SLC66A2: variants seen among roughly 807,000 people sequenced by gnomAD.
The protein encoded by SLC66A2 is PQ loop repeat containing 1.
A neutral mutation model predicts 25.5 loss-of-function variants in SLC66A2; 23 were observed. The observed-to-expected ratio is 0.90, with a 90% CI of 0.65 to 1.28. SLC66A2 has a LOEUF of 1.28. Ranked by LOEUF, SLC66A2 falls within the 50% of genes most tolerant of loss-of-function variation. SLC66A2 has a pLI of 0.00. For missense variants in SLC66A2, 396 were observed against 373.1 expected (o/e 1.06, Z -0.51); for synonymous variants, 193 against 166.5 (o/e 1.16, Z -1.23).
At chr18:79,946,203 G>T (rs114569955) in intron 2 of SLC66A2, among the ~76,000 whole-genome samples, 346 of 151,580 alleles carry the variant, frequency 2.3e-3, no homozygotes, top group African/African-American at 8.1e-3. Flanking sequence ...GTGACAGGGT[G>T]CCCGGGGAGA....
At chr18:79,911,865 G>A (rs1218744807) in intron 5 of SLC66A2, among the ~76,000 whole-genome samples, 4 of 133,628 alleles carry the variant, frequency 3.0e-5, no homozygotes, top group East Asian at 4.6e-4. Flanking sequence ...AGTAGCAGGA[G>A]GAGATGGCAG....
chr18:79,948,976 A>G (rs1283987854), intron 2 of SLC66A2, among the ~76,000 whole-genome samples: 4 of 152,218 alleles, frequency 2.6e-5, no homozygotes, highest in African/African-American at 9.6e-5. Flanking sequence ...TCTCCAAAGC[A>G]GGCGATGGGA....
intron 5 of SLC66A2, among the ~76,000 whole-genome samples, chr18:79,910,236 CAT>C (rs758715415): frequency 7.3e-6 from 1 of 136,090 alleles, no homozygotes; most frequent in Non-Finnish European, 1.6e-5. Flanking sequence ...ACATCCTCAC[CAT>C]AGTCACCAAC....
chr18:79,949,215 A>C (rs1215356623), intron 2 of SLC66A2, among the ~76,000 whole-genome samples: 1 of 152,164 alleles, frequency 6.6e-6, no homozygotes, highest in Non-Finnish European at 1.5e-5. Context: ...CACATGGACC[A>C]ATGGCTGCCC....
At chr18:79,936,879 G>A (rs766977157) in intron 3 of SLC66A2, among the ~76,000 whole-genome samples, 90 of 152,084 alleles carry the variant, frequency 5.9e-4, no homozygotes, top group Non-Finnish European at 1.1e-3. Flanking sequence ...TAAAACAAAC[G>A]TTTTCAGTAA....
chr18:79,918,869 ACTC>A lies in SLC66A2; in HGVS notation c.608+312_608+314del, dbSNP rs1984615888. On this transcript the variant is annotated intron_variant, in intron 5 of 5. Coordinates refer to ENST00000397778, the MANE Select transcript of SLC66A2 (RefSeq NM_025078.5). This position sits in a 1 kb window ranked among gnomAD's most constrained non-coding sequence, Gnocchi z 4.0. Reference sequence around the variant, plus strand: ...CCCTGGGCCAGGCTGGTTGCCCTGCACTCCTCCTGCCCCGTCTGGCCAGGCACT... The same window carrying A: ...CCCTGGGCCAGGCTGGTTGCCCTGCACTCCTGCCCCGTCTGGCCAGGCACT... 2.0e-5 allele frequency among the ~76,000 whole-genome samples: 3 copies of A among 151,580 alleles called. No individual in the cohort carries two copies. In the South Asian group the frequency reaches 6.3e-4, roughly 32 times the overall value.
chr18:79,916,631 T>A (rs2123282939), intron 5 of SLC66A2, among the ~76,000 whole-genome samples: 1 of 152,328 alleles, frequency 6.6e-6, no homozygotes, highest in Non-Finnish European at 1.5e-5. Context: ...AGAGCTGAAT[T>A]TGCGGGAGCC....
chr18:79,904,194 A>G lies in SLC66A2; in HGVS notation c.609-11T>C. ...AGCACCATCTTGATGCTGTGGAGAC[A>G]CAAGCAGGCGGTCAGCGGTGGGGAG... On this transcript the variant is annotated splice_polypyrimidine_tract_variant and intron_variant, in intron 5 of 5. Transcript: ENST00000397778. This position sits in a 1 kb window ranked among gnomAD's most constrained non-coding sequence, Gnocchi z 6.3. 6.2e-7 allele frequency: 1 copy of G among 1,612,168 alleles called. No homozygotes were observed. The highest frequency in any genetic ancestry group is 8.5e-7 in the Non-Finnish European group (1 of 1,179,278).
At chr18:79,942,300 G>C (rs1329012774) in intron 3 of SLC66A2, among the ~76,000 whole-genome samples, 1 of 152,210 alleles carries the variant, frequency 6.6e-6, no homozygotes, top group African/African-American at 2.4e-5. Flanking sequence ...AAAGACGCTG[G>C]AGCTCATCTC....
intron 4 of SLC66A2, among the ~76,000 whole-genome samples, chr18:79,929,856 A>T (rs1281315986): frequency 1.3e-5 from 2 of 152,214 alleles, no homozygotes; most frequent in Non-Finnish European, 2.9e-5. Flanking sequence ...CTGAGCTGGC[A>T]GAAGAATCAG....
At chr18:79,914,297 G>A (rs1054299272) in intron 5 of SLC66A2, among the ~76,000 whole-genome samples, 1 of 152,230 alleles carries the variant, frequency 6.6e-6, no homozygotes, top group African/African-American at 2.4e-5. Context: ...TATACAGGAA[G>A]CACACATGAT....
chr18:79,946,809 T>C (rs2050940661), intron 2 of SLC66A2, among the ~76,000 whole-genome samples: 2 of 152,062 alleles, frequency 1.3e-5, no homozygotes, highest in African/African-American at 4.8e-5. Flanking sequence ...CTACTAAAAA[T>C]ACAAAAATTA....
chr18:79,928,791 C>A (rs1986264548), intron 4 of SLC66A2, among the ~76,000 whole-genome samples: 1 of 152,098 alleles, frequency 6.6e-6, no homozygotes, highest in African/African-American at 2.4e-5. Context: ...TGCCCAGGCT[C>A]CCTTCCTCCA....
intron 4 of SLC66A2, among the ~76,000 whole-genome samples, chr18:79,925,500 C>G (rs1985840416): frequency 6.6e-6 from 1 of 152,168 alleles, no homozygotes; most frequent in East Asian, 1.9e-4. Context: ...TTGGGGGGCT[C>G]ACCAGAGGCC....
intron 3 of SLC66A2, among the ~76,000 whole-genome samples, chr18:79,936,338 T>G (rs1036914254): frequency 6.6e-6 from 1 of 152,166 alleles, no homozygotes; most frequent in Non-Finnish European, 1.5e-5. Context: ...CCCCTGAAAA[T>G]GCATGCAAGA....
At chr18:79,939,850 C>T (rs1987488252) in intron 3 of SLC66A2, among the ~76,000 whole-genome samples, 1 of 152,092 alleles carries the variant, frequency 6.6e-6, no homozygotes, top group Admixed American at 6.6e-5. Flanking sequence ...CCATTCAACC[C>T]AACAATCCCG....
In SLC66A2 at chr18:79,919,297, A is replaced by C. The variant is rs763119703; in HGVS notation, c.495T>G (p.Ile165Met). 2 of 1,613,306 alleles carry C rather than the reference A, an allele frequency of 1.2e-6. No homozygotes were observed. The highest frequency in any genetic ancestry group is 1.7e-6 in the Non-Finnish European group (2 of 1,180,014). The change falls in exon 5 of 6, where the codon ATT becomes ATG. Residue 165 changes from isoleucine (I) to methionine (M), a missense_variant. Coordinates refer to ENST00000397778, the MANE Select transcript of SLC66A2 (RefSeq NM_025078.5). ...GVAGYITYLS[I>M]DSALFVETLG... ...GGGTCTCCACAAACAGGGCGGAGTC[A>C]ATGGACAGGTAGGTGATGTAGCCCG...
chr18:79,926,987 T>A (rs916088318), intron 4 of SLC66A2, among the ~76,000 whole-genome samples: 1 of 152,178 alleles, frequency 6.6e-6, no homozygotes, highest in Non-Finnish European at 1.5e-5. Context: ...TGTGACTGTT[T>A]CAGTATTTTT....
chr18:79,919,789 T>G (rs552562166), intron 4 of SLC66A2, among the ~76,000 whole-genome samples: 73 of 4,030 alleles, frequency 0.018, no homozygotes, highest in African/African-American at 0.046. Context: ...AGGAACCGAG[T>G]GAGAGGTCAA....
Sources: gnomAD v4.1 joint callset for allele counts (sites outside exome capture counted in the v4.1 genomes callset) on GRCh38, gnomAD v4.1.1 for gene constraint, Gnocchi (gnomAD v3.1) non-coding constraint, MANE v1.5 for transcripts, NCBI Gene and HGNC (gene_info 2026-07-23, HGNC 2026-07-21) for gene names.